The following RNF130 variants were observed in gnomAD, a reference collection of about 807,000 sequenced individuals.
The protein encoded by RNF130 is E3 ubiquitin-protein ligase RNF130.
Under a neutral mutation model 44.6 loss-of-function variants are expected in RNF130, and 21 were observed. That is an observed-to-expected ratio of 0.47 (90% CI 0.33 to 0.68). RNF130 has a LOEUF of 0.68. Among genes scored for constraint, RNF130 ranks in the 30% least tolerant of loss-of-function variants. The pLI, the probability that RNF130 is intolerant of heterozygous loss-of-function variation, is 0.02. For missense variants in RNF130, 479 were observed against 560.6 expected (o/e 0.85, Z 1.47); for synonymous variants, 214 against 210.4 (o/e 1.02, Z -0.15).
At chr5:180,025,579 T>C (rs1453004294) in intron 2 of RNF130, among the ~76,000 whole-genome samples, 1 of 152,128 alleles carries the variant, frequency 6.6e-6, no homozygotes. Context: ...GCTATTTTTA[T>C]TTTTTTAAAG....
intron 8 of RNF130, among the ~76,000 whole-genome samples, chr5:179,961,849 G>T (rs979786446): frequency 7.2e-5 from 11 of 152,124 alleles, no homozygotes; most frequent in African/African-American, 2.4e-4. Flanking sequence ...AAAGGCAGAT[G>T]GTCATCTGAC....
chr5:180,068,320 T>C (rs1428814892), intron 1 of RNF130, among the ~76,000 whole-genome samples: 1 of 152,202 alleles, frequency 6.6e-6, no homozygotes, highest in African/African-American at 2.4e-5. Context: ...GAGTAAGTAA[T>C]AAGAAAGCAA....
chr5:180,060,961 C>A (rs1212598922), intron 1 of RNF130, among the ~76,000 whole-genome samples: 1 of 141,184 alleles, frequency 7.1e-6, no homozygotes, highest in African/African-American at 2.7e-5. Context: ...CCCAGCTACG[C>A]GGGAGGCTGA....
At chr5:179,994,677 T>A (rs934127731) in intron 3 of RNF130, among the ~76,000 whole-genome samples, 1 of 152,164 alleles carries the variant, frequency 6.6e-6, no homozygotes, top group African/African-American at 2.4e-5. Context: ...AGCTGGCTCA[T>A]AACCTCCTGA....
intron 3 of RNF130, among the ~76,000 whole-genome samples, chr5:180,007,569 C>A (rs1014350610): frequency 1.3e-5 from 2 of 152,094 alleles, no homozygotes; most frequent in Non-Finnish European, 2.9e-5. Flanking sequence ...GCTTTTTAAG[C>A]CACATAAAAA....
rs535595957 is a variant in RNF130, at chr5:179,994,988, G to T, written c.694-14788C>A. Among the ~76,000 whole-genome samples the T allele has an allele frequency of 2.0e-5, 3 of 152,270 alleles. No individual in the cohort carries two copies. The East Asian group carries it at 5.8e-4, about 29-fold the overall frequency. On this transcript the variant is annotated intron_variant, in intron 3 of 8. Transcript: ENST00000521389. ...GAGGGGAGGGGACTGGTGGGGAGAG[G>T]TGAAGCTGGGTAGAGCTGGACTGGG... is the stretch of plus-strand genomic sequence containing the variant.
At chr5:179,930,150 C>CG (rs1255466645) in intron 7 of RNF130, among the ~76,000 whole-genome samples, 1 of 152,102 alleles carries the variant, frequency 6.6e-6, no homozygotes, top group African/African-American at 2.4e-5. Context: ...CTCTGCCCCC[C>CG]GGGTTCAAGC....
In RNF130 at chr5:179,988,225, T is replaced by C. The variant is rs576349121; in HGVS notation, c.694-8025A>G. Among the ~76,000 whole-genome samples, 37 of 152,334 alleles carry C rather than the reference T, an allele frequency of 2.4e-4. 1 individual carries two copies. In the South Asian group the frequency reaches 7.0e-3, roughly 29 times the overall value. ...TTCTCTAGGTTTTCCAGTATGTTAGTGTATAATTCTTCACAAACCTCTAAT... is the reference window on the plus strand; with the variant it reads ...TTCTCTAGGTTTTCCAGTATGTTAGCGTATAATTCTTCACAAACCTCTAAT... On this transcript the variant is annotated intron_variant, in intron 3 of 8. Transcript: ENST00000521389.
intron 8 of RNF130, among the ~76,000 whole-genome samples, chr5:179,962,674 G>A (rs1043849285): frequency 5.3e-5 from 8 of 152,082 alleles, no homozygotes; most frequent in Admixed American, 2.0e-4. Context: ...TATCCCTATG[G>A]AAAGCTACTC....
chr5:179,953,543 C>G (rs1388919054), downstream of RNF130, among the ~76,000 whole-genome samples: 1 of 152,074 alleles, frequency 6.6e-6, no homozygotes, highest in Non-Finnish European at 1.5e-5. Context: ...GTCTCTTAAA[C>G]AAATGGCACT....
intron 7 of RNF130, among the ~76,000 whole-genome samples, chr5:179,922,785 G>A (rs955768169): frequency 3.3e-5 from 5 of 151,754 alleles, no homozygotes; most frequent in African/African-American, 1.2e-4. Context: ...AATACAAAAA[G>A]TAGCCAGGTG....
intron 5 of RNF130, among the ~76,000 whole-genome samples, chr5:179,971,464 G>A (rs1325417128): frequency 6.6e-6 from 1 of 152,172 alleles, no homozygotes; most frequent in African/African-American, 2.4e-5. Flanking sequence ...CCGCCTCCCG[G>A]GTTCACACCA....
At chr5:179,918,855 C>T (rs1205274640) in exon 8 of RNF130, 3 of 152,218 alleles carry the variant, frequency 2.0e-5, no homozygotes, top group African/African-American at 7.2e-5. Context: ...CCTTCAGGCA[C>T]ACCTGTGTCT....
chr5:179,987,503 T>A (rs930063516), intron 3 of RNF130, among the ~76,000 whole-genome samples: 2 of 152,234 alleles, frequency 1.3e-5, no homozygotes, highest in African/African-American at 4.8e-5. Context: ...GCTCCGGCTA[T>A]GACTTCCAGC....
exon 8 of RNF130, chr5:179,918,104 A>C (rs1410867946): frequency 1.3e-5 from 2 of 152,220 alleles, no homozygotes; most frequent in African/African-American, 4.8e-5. Context: ...CCTCCTGACA[A>C]AGACAGGCCA....
At chr5:180,026,914 G>C (rs1488619588) in intron 2 of RNF130, among the ~76,000 whole-genome samples, 1 of 152,146 alleles carries the variant, frequency 6.6e-6, no homozygotes, top group Non-Finnish European at 1.5e-5. Context: ...AGTATGCAAA[G>C]AATGACCACA....
intron 8 of RNF130, among the ~76,000 whole-genome samples, chr5:179,958,955 A>T (rs1282829388): frequency 6.6e-6 from 1 of 152,160 alleles, no homozygotes; most frequent in Non-Finnish European, 1.5e-5. Context: ...CGCTGGGATT[A>T]TAGGTGTTAG....
chr5:180,065,371 C>CA (rs1027761874), intron 1 of RNF130, among the ~76,000 whole-genome samples: 40 of 152,274 alleles, frequency 2.6e-4, no homozygotes, highest in Non-Finnish European at 4.7e-4. Flanking sequence ...TCGTAGTTCA[C>CA]AATGTTCCCG....
At chr5:180,038,818 CATT>C (rs781396581) in intron 2 of RNF130, among the ~76,000 whole-genome samples, 26 of 152,152 alleles carry the variant, frequency 1.7e-4, no homozygotes, top group Admixed American at 9.2e-4. Context: ...AGTAAAACAA[CATT>C]AATAAGAAAG....
Sources: gnomAD v4.1 joint callset for allele counts (sites outside exome capture counted in the v4.1 genomes callset) on GRCh38, gnomAD v4.1.1 for gene constraint, MANE v1.5 for transcripts, NCBI Gene and HGNC (gene_info 2026-07-23, HGNC 2026-07-21) for gene names.